The following PIK3CB variants were observed in gnomAD, a reference collection of about 807,000 sequenced individuals.
PIK3CB encodes the protein phosphatidylinositol 4,5-bisphosphate 3-kinase catalytic subunit beta isoform.
PIK3CB carries 39 observed loss-of-function variants against 136.8 expected under a neutral mutation model. The observed-to-expected ratio is 0.29, with a 90% confidence interval of 0.22 to 0.37. PIK3CB has a LOEUF of 0.37. PIK3CB is among the 10% of genes least tolerant of loss of function. The pLI is 1.00. For missense variants in PIK3CB, 868 were observed against 1,275.4 expected (o/e 0.68, Z 4.87); for synonymous variants, 428 against 436.6 (o/e 0.98, Z 0.25).
At chr3:138,714,179 T>G (rs895157387) in intron 9 of PIK3CB, among the ~76,000 whole-genome samples, 1 of 152,168 alleles carries the variant, frequency 6.6e-6, no homozygotes, top group African/African-American at 2.4e-5. Context: ...TCTTCATATC[T>G]TCTTAAAAGT....
intron 19 of PIK3CB, among the ~76,000 whole-genome samples, chr3:138,680,592 T>C (rs149133025): frequency 1.3e-5 from 2 of 152,254 alleles, no homozygotes; most frequent in East Asian, 3.9e-4. Flanking sequence ...TAATTTATAA[T>C]AGTATATAAA....
At chr3:138,781,656 T>C (rs1576410275) in intron 2 of PIK3CB, among the ~76,000 whole-genome samples, 2 of 152,152 alleles carry the variant, frequency 1.3e-5, no homozygotes, top group Admixed American at 6.5e-5. Context: ...GGGTTTGTCA[T>C]GTTGGCCAGG....
At chr3:138,779,130 G>T (rs2045893922) in intron 2 of PIK3CB, among the ~76,000 whole-genome samples, 1 of 147,864 alleles carries the variant, frequency 6.8e-6, no homozygotes, top group Non-Finnish European at 1.5e-5. Flanking sequence ...CTGTCGCCCA[G>T]GCTGAAGTAC....
chr3:138,701,779 T>A (rs1487667173), intron 12 of PIK3CB, among the ~76,000 whole-genome samples: 3 of 139,182 alleles, frequency 2.2e-5, no homozygotes, highest in African/African-American at 8.2e-5. Context: ...AGTGAGACTC[T>A]GTCTCAAAAA....
At chr3:138,829,372 C>A (rs556212530) in intron 1 of PIK3CB, among the ~76,000 whole-genome samples, 1 of 152,142 alleles carries the variant, frequency 6.6e-6, no homozygotes, top group Non-Finnish European at 1.5e-5. Flanking sequence ...ATCACTCCGA[C>A]TGCTGTGTGA....
chr3:138,738,030 T>C (rs2045151189), intron 5 of PIK3CB, 144 bp from the exon 6 acceptor site: 2 of 438,940 alleles, frequency 4.6e-6, no homozygotes, highest in Non-Finnish European at 8.0e-6. Flanking sequence ...TATGGATGCA[T>C]ATTTAGAATG....
intron 2 of PIK3CB, among the ~76,000 whole-genome samples, chr3:138,792,548 T>C (rs1327344196): frequency 6.6e-6 from 1 of 152,002 alleles, no homozygotes; most frequent in Non-Finnish European, 1.5e-5. Flanking sequence ...TAATTACAAG[T>C]GTGGGCCACT....
At chr3:138,713,300 A>C (rs888632174) in intron 9 of PIK3CB, among the ~76,000 whole-genome samples, 1 of 147,346 alleles carries the variant, frequency 6.8e-6, no homozygotes, top group African/African-American at 2.5e-5. Flanking sequence ...GGCGTGGGCC[A>C]CTGCGCCTAG....
rs373952736 is a variant in PIK3CB, at chr3:138,786,131, A to C, written c.-17+10332T>G. Among the ~76,000 whole-genome samples the C allele has an allele frequency of 6.6e-5, 10 of 152,296 alleles. No homozygotes were observed. In the South Asian group the frequency reaches 1.7e-3, roughly 25 times the overall value. ...TAAAAGTAAAATAAAATCAGGCTGG[A>C]GCTTCCTCATTTTCCCCAGTTCTCT... On this transcript the variant is annotated intron_variant, in intron 2 of 23. Coordinates refer to ENST00000674063, the MANE Select transcript of PIK3CB (RefSeq NM_006219.3).
chr3:138,802,652 T>C (rs1006216036), intron 1 of PIK3CB, among the ~76,000 whole-genome samples: 6 of 152,160 alleles, frequency 3.9e-5, no homozygotes, highest in African/African-American at 1.4e-4. Flanking sequence ...ATACTGTATT[T>C]TGAGTACCAA....
intron 13 of PIK3CB, among the ~76,000 whole-genome samples, chr3:138,695,940 T>A (rs893455610): frequency 1.4e-5 from 2 of 144,436 alleles, no homozygotes; most frequent in South Asian, 2.2e-4. Context: ...TATTTTTTTT[T>A]TTTTTTTTTT....
Position 138,734,807 on chromosome 3 carries a change from A to C in PIK3CB, c.802-3T>G. 6.3e-7 allele frequency: 1 copy of C among 1,584,604 alleles called. No individual in the cohort carries two copies. The highest frequency in any genetic ancestry group is 1.7e-4 in the Middle Eastern group (1 of 5,936). ...TTCATCACACAGTTCCGGATATACT[A>C]TAGGGGCAAGAAAGGGGAAGGTATT... On this transcript the variant is annotated splice_polypyrimidine_tract_variant and splice_region_variant and intron_variant, in intron 6 of 23. Coordinates refer to ENST00000674063, the MANE Select transcript of PIK3CB (RefSeq NM_006219.3).
chr3:138,809,514 G>A (rs2046270345), intron 1 of PIK3CB, among the ~76,000 whole-genome samples: 1 of 148,288 alleles, frequency 6.7e-6, no homozygotes, highest in Non-Finnish European at 1.5e-5. Context: ...GCTGAGGCAG[G>A]AGAATCACTT....
rs2043167665 is a variant in PIK3CB at position 138,654,991 on chromosome 3, C to T, written c.*398G>A. 4.3e-6 allele frequency: 1 copy of T among 230,928 alleles called. No individual in the cohort carries two copies. Among genetic ancestry groups the T allele is most frequent in the African/African-American group, 2.2e-5 (1 of 45,084 alleles). The allele number at this position is 230,928 out of a possible 1,614,324, so 14.3% of individuals were successfully genotyped here. ...TCATTTGGACAGTAAGAACAGCCAC[C>T]AACCCCCAGGTGTGGAAAAGTTGTT... is the stretch of plus-strand genomic sequence containing the variant. On this transcript the variant is annotated 3_prime_UTR_variant, in exon 24 of 24. Transcript: ENST00000674063.
In PIK3CB at chr3:138,653,606, T is replaced by TC. The variant is rs2043148227; in HGVS notation, c.*1782dup. On this transcript the variant is annotated 3_prime_UTR_variant, in exon 24 of 24. Transcript: ENST00000674063. The stretch of plus-strand genomic sequence containing the variant: ...CTGAACAAACCTGTCCTTCCATAGT[T>TC]CTATTCCTGGAAGTCTCAGTGAGTC... 2 of 184,814 alleles carry TC rather than the reference T, an allele frequency of 1.1e-5. No individual in the cohort carries two copies. The highest frequency in any genetic ancestry group is 2.3e-5 in the Non-Finnish European group (2 of 87,172). 11.4% of individuals were successfully genotyped at this position (184,814 alleles called of 1,614,324 possible).
intron 1 of PIK3CB, among the ~76,000 whole-genome samples, chr3:138,817,930 T>G (rs1423950202): frequency 1.3e-5 from 2 of 152,224 alleles, no homozygotes; most frequent in South Asian, 2.1e-4. Flanking sequence ...CACTCCAGCC[T>G]TGGCAACAGA....
chr3:138,767,931 C>T (rs536658065), intron 2 of PIK3CB, among the ~76,000 whole-genome samples: 57 of 152,280 alleles, frequency 3.7e-4, no homozygotes, highest in African/African-American at 7.0e-4. Context: ...GCCTGCAATG[C>T]GATGAACAAA....
At chr3:138,738,265 A>C (rs1261264070) in intron 5 of PIK3CB, among the ~76,000 whole-genome samples, 1 of 151,932 alleles carries the variant, frequency 6.6e-6, no homozygotes, top group East Asian at 1.9e-4. Context: ...TCTGTCTCCC[A>C]GGTTCAAGCA....
intron 1 of PIK3CB, among the ~76,000 whole-genome samples, chr3:138,831,019 C>T (rs1304048905): frequency 7.0e-6 from 1 of 142,566 alleles, no homozygotes; most frequent in Non-Finnish European, 1.5e-5. Flanking sequence ...GCGGTGGCTC[C>T]CGCCTGGAGT....
Sources: allele counts gnomAD v4.1 joint callset (sites outside exome capture counted in the v4.1 genomes callset), GRCh38; gene constraint gnomAD v4.1.1; transcripts MANE v1.5; gene names NCBI Gene and HGNC (gene_info 2026-07-23, HGNC 2026-07-21).